DGKH: variants seen among roughly 807,000 people sequenced by gnomAD.
DGKH encodes the protein diacylglycerol kinase eta, also known as DAG kinase eta.
In DGKH, 90 loss-of-function variants were observed where a neutral mutation model predicts 159.3. That is an observed-to-expected ratio of 0.57 (90% confidence interval 0.48 to 0.67). The LOEUF is 0.67. Ranked by LOEUF, DGKH falls within the 30% of genes least tolerant of loss-of-function variation. The pLI, the probability that DGKH is intolerant of heterozygous loss-of-function variation, is 0.00. For synonymous variants in DGKH, 536 were observed against 553.8 expected, an observed-to-expected ratio of 0.97 and a Z score of 0.45; for missense variants, 1,181 against 1,506.1, an observed-to-expected ratio of 0.78 and a Z score of 3.57.
intron 3 of DGKH, among the ~76,000 whole-genome samples, chr13:42,139,599 G>C (rs191882469): frequency 2.8e-4 from 43 of 152,202 alleles, no homozygotes; most frequent in African/African-American, 9.4e-4. Flanking sequence ...GCTGCCTCTA[G>C]TACTTTTTCT....
Position 42,230,036 on chromosome 13 carries a change from G to A in DGKH, c.*848G>A, listed in dbSNP as rs1958246814. ...TCAATCTATCATAAGCAGTAGGCGT[G>A]CACGTTAAGAAAATTCTCTGGATAT... On this transcript the variant is annotated 3_prime_UTR_variant, in exon 30 of 30. Transcript: ENST00000337343. The A allele has an allele frequency of 6.6e-6, 1 of 152,102 alleles. No individual in the cohort carries two copies. Among genetic ancestry groups the A allele is most frequent in the Non-Finnish European group, 1.5e-5 (1 of 68,018 alleles). The allele number at this position is 152,102 out of a possible 1,614,324, so 9.4% of individuals were successfully genotyped here.
downstream of DGKH, among the ~76,000 whole-genome samples, chr13:42,247,235 T>C (rs1396078108): frequency 1.3e-5 from 2 of 149,858 alleles, no homozygotes; most frequent in African/African-American, 4.9e-5. Flanking sequence ...TATACTTTTT[T>C]TTTTTTTTTT....
chr13:42,195,805 A>G (rs2138136660), intron 17 of DGKH: 1 of 152,380 alleles, frequency 6.6e-6, no homozygotes, highest in South Asian at 2.1e-4. Context: ...CACAAAAGAC[A>G]AATAAATTGG....
chr13:42,214,926 G>A (rs984191707), intron 25 of DGKH, among the ~76,000 whole-genome samples: 1 of 151,278 alleles, frequency 6.6e-6, no homozygotes, highest in Admixed American at 6.6e-5. Context: ...CTTCTGCCCT[G>A]TACCTTGTTA....
At chr13:42,189,762 G>A (rs1269771797) in intron 15 of DGKH, among the ~76,000 whole-genome samples, 1 of 152,098 alleles carries the variant, frequency 6.6e-6, no homozygotes, top group African/African-American at 2.4e-5. Context: ...CACCTCCCAG[G>A]CTCGAGCTAT....
Position 42,190,536 on chromosome 13 carries a change from T to G in DGKH, c.2035+11T>G, listed in dbSNP as rs374262608. 1 of 1,564,300 alleles carries G rather than the reference T, an allele frequency of 6.4e-7. No individual in the cohort carries two copies. Among genetic ancestry groups the G allele is most frequent in the Non-Finnish European group, 8.6e-7 (1 of 1,162,288 alleles). On this transcript the variant is annotated intron_variant, in intron 16 of 29. Transcript: ENST00000337343. ...AAGAATCAATAACTGGTGAGGAAAC[T>G]GGGAAAAAATTATTTTGGAATTAAA...
chr13:42,162,827 TTTC>T (rs1190492730), intron 7 of DGKH, among the ~76,000 whole-genome samples: 37 of 142,486 alleles, frequency 2.6e-4, no homozygotes, highest in Middle Eastern at 3.7e-3. Flanking sequence ...AAAACATGAG[TTTC>T]TTTTTTTTTT....
rs1881011788 is a variant in DGKH, at chr13:42,048,992, G to A, written c.192+27G>A. On this transcript the variant is annotated intron_variant, in intron 1 of 29. Transcript: ENST00000337343. This position sits in a 1 kb window ranked among gnomAD's most constrained non-coding sequence, Gnocchi z 6.7. ...TAGGGCGGAGGAGGCGGGCCTGAGG[G>A]CCGCGTGGAAAGCGGGAGGTGGAGA... 7.9e-7 allele frequency: 1 copy of A among 1,265,834 alleles called. No homozygotes were observed. The highest frequency in any genetic ancestry group is 1.0e-6 in the Non-Finnish European group (1 of 997,680). The allele number at this position is 1,265,834 out of a possible 1,614,324, so 78.4% of individuals were successfully genotyped here. A position where few individuals can be genotyped will look rare whatever the true frequency, so the allele number is the denominator to read the frequency against.
chr13:42,219,616 C>A, intron 27 of DGKH, 70 bp from the exon 28 acceptor site: 1 of 1,377,480 alleles, frequency 7.3e-7, no homozygotes, highest in South Asian at 1.3e-5. Context: ...CTGTGTTATC[C>A]CTATTATCAG....
intron 1 of DGKH, among the ~76,000 whole-genome samples, chr13:42,090,310 T>G (rs1954392153): frequency 6.6e-6 from 1 of 152,230 alleles, no homozygotes; most frequent in Non-Finnish European, 1.5e-5. Context: ...TTAATATTGT[T>G]AAAATTTCAG....
At chr13:42,107,298 A>G (rs1480666322) in intron 1 of DGKH, among the ~76,000 whole-genome samples, 9 of 152,198 alleles carry the variant, frequency 5.9e-5, no homozygotes, top group Admixed American at 5.9e-4. Context: ...TGGGAGGAAG[A>G]TGAGTGTTTT....
intron 7 of DGKH, among the ~76,000 whole-genome samples, chr13:42,163,351 G>C (rs1481675620): frequency 1.3e-5 from 2 of 152,142 alleles, no homozygotes; most frequent in Non-Finnish European, 2.9e-5. Flanking sequence ...ATAGCAGCAT[G>C]ATTTATAGTC....
chr13:42,152,662 T>C (rs1347981525), intron 3 of DGKH, among the ~76,000 whole-genome samples: 2 of 151,552 alleles, frequency 1.3e-5, no homozygotes, highest in Admixed American at 1.3e-4. Context: ...ACCTCTTTAT[T>C]CTTGATGGTT....
At chr13:42,256,442 A>G in exon 31 of DGKH, 2 of 1,557,810 alleles carry the variant, frequency 1.3e-6, no homozygotes, top group Admixed American at 3.3e-5. Flanking sequence ...AAATGGATCA[A>G]CCTTAAAGGA....
chr13:42,040,978 C>T (rs916413430), intron 1 of DGKH, among the ~76,000 whole-genome samples: 1 of 151,292 alleles, frequency 6.6e-6, no homozygotes, highest in Admixed American at 6.6e-5. Context: ...CCTCCCGCTT[C>T]TCCTTTGCTC....
At chr13:42,207,105 C>CTTTCTTTCTT (rs1555276109) in intron 21 of DGKH, among the ~76,000 whole-genome samples, 3 of 126,780 alleles carry the variant, frequency 2.4e-5, no homozygotes, top group African/African-American at 9.2e-5. Context: ...TTCTTTCTTT[C>CTTTCTTTCTT]TTTCTTTCTC....
At chr13:42,119,713 A>G (rs953062264) in intron 1 of DGKH, among the ~76,000 whole-genome samples, 4 of 152,198 alleles carry the variant, frequency 2.6e-5, no homozygotes, top group African/African-American at 9.6e-5. Context: ...AGAATTTACT[A>G]TCTTAATCAT....
At chr13:42,165,483 AT>A (rs1476457321) in intron 8 of DGKH, 50 bp downstream of exon 8, 2 of 1,030,974 alleles carry the variant, frequency 1.9e-6, no homozygotes, top group Admixed American at 2.7e-5. Context: ...TTTAACATTG[AT>A]ATGTATATTT....
At position 42,165,352 on chromosome 13, in the gene DGKH, T is replaced by C. The variant is rs1405956608; in HGVS notation, c.877T>C (p.Leu293=). 1.9e-6 allele frequency: 3 copies of C among 1,584,516 alleles called. No individual in the cohort carries two copies. The highest frequency in any genetic ancestry group is 1.8e-5 in the Admixed American group (1 of 54,148). ...KTMVHTACKD[L]YHPICPLGQC... is the part of the protein sequence containing the mutation. Reference sequence around the variant, plus strand: ...TTAGGTACACACTGCCTGCAAAGATTTATACCATCCAATATGTCCACTTGG... The same window carrying C: ...TTAGGTACACACTGCCTGCAAAGATCTATACCATCCAATATGTCCACTTGG... The change falls in exon 8 of 30, where the codon TTA becomes CTA. Residue 293 remains leucine, a synonymous_variant. Coordinates refer to ENST00000337343, the MANE Select transcript of DGKH (RefSeq NM_178009.5).
Sources: allele counts gnomAD v4.1 joint callset (sites outside exome capture counted in the v4.1 genomes callset), GRCh38; gene constraint gnomAD v4.1.1; non-coding constraint Gnocchi (gnomAD v3.1); transcripts MANE v1.5; gene names NCBI Gene and HGNC (gene_info 2026-07-23, HGNC 2026-07-21).